CLCN4: variants seen among roughly 807,000 people sequenced by gnomAD.
CLCN4 encodes H(+)/Cl(-) exchange transporter 4.
A neutral mutation model predicts 41.7 loss-of-function variants in CLCN4; 1 was observed. The observed-to-expected ratio is 0.02, with a 90% confidence interval of 0.01 to 0.11. CLCN4 has a LOEUF of 0.11. Among genes scored for constraint, CLCN4 ranks in the 10% least tolerant of loss-of-function variants. The probability of loss-of-function intolerance (pLI) is 1.00; values close to 1 mark genes in which losing one functional copy is unlikely to be tolerated. For missense variants in CLCN4, 287 were observed against 661.0 expected (o/e 0.43, Z 6.20); for synonymous variants, 277 against 285.8 (o/e 0.97, Z 0.31).
At chrX:10,178,780 C>G (rs1464209610) in intron 2 of CLCN4, among the ~76,000 whole-genome samples, 2 of 110,917 alleles carry the variant, frequency 1.8e-5, no homozygotes, top group Non-Finnish European at 3.8e-5. Flanking sequence ...CTGGTTCCTC[C>G]AAGACTTCAT....
chrX:10,217,437 T>C (rs142925120), intron 11 of CLCN4, among the ~76,000 whole-genome samples: 76 of 112,237 alleles, frequency 6.8e-4, no homozygotes, highest in African/African-American at 2.1e-3. Context: ...ACCCACTGGA[T>C]GTCAGCAGCA....
intron 11 of CLCN4, among the ~76,000 whole-genome samples, chrX:10,218,932 G>C (rs1483812288): frequency 8.9e-6 from 1 of 112,290 alleles, no homozygotes; most frequent in Non-Finnish European, 1.9e-5. Context: ...GTGGCAGGCA[G>C]AACCAGATAC....
At chrX:10,167,057 G>A (rs1272025200) in intron 2 of CLCN4, among the ~76,000 whole-genome samples, 1 of 112,726 alleles carries the variant, frequency 8.9e-6, no homozygotes, top group Non-Finnish European at 1.9e-5. Context: ...GGCCGGGGCC[G>A]GGGAGGAAGT....
intron 2 of CLCN4, among the ~76,000 whole-genome samples, chrX:10,169,602 CTG>C (rs1335106151): frequency 3.6e-5 from 4 of 111,593 alleles, no homozygotes; most frequent in Non-Finnish European, 5.6e-5. Flanking sequence ...AAAATATTTT[CTG>C]TTTTTCTTTT....
chrX:10,220,955 T>C, intron 12 of CLCN4, 78 bp downstream of exon 12: 2 of 826,551 alleles, frequency 2.4e-6, no homozygotes, highest in East Asian at 6.3e-5. Context: ...CTGAAGAATG[T>C]GGAGGGCCAT....
chrX:10,214,576 A>G (rs1924657279), intron 11 of CLCN4, among the ~76,000 whole-genome samples: 1 of 112,811 alleles, frequency 8.9e-6, no homozygotes, highest in East Asian at 2.8e-4. Flanking sequence ...TTGCCACCAC[A>G]CAAGTCTTTT....
intron 12 of CLCN4, among the ~76,000 whole-genome samples, chrX:10,230,511 G>C (rs1367954733): frequency 8.9e-6 from 1 of 112,190 alleles, no homozygotes; most frequent in Non-Finnish European, 1.9e-5. Flanking sequence ...AGGATGGAAA[G>C]AAATGGTTTC....
intron 2 of CLCN4, among the ~76,000 whole-genome samples, chrX:10,166,632 T>C (rs753459579): frequency 8.9e-6 from 1 of 112,181 alleles, no homozygotes; most frequent in East Asian, 2.8e-4. Context: ...TTTGCTTATC[T>C]GTAACTTATC....
chrX:10,186,743 C>A (rs1052500239), intron 3 of CLCN4, among the ~76,000 whole-genome samples: 7 of 112,179 alleles, frequency 6.2e-5, no homozygotes, highest in Middle Eastern at 4.6e-3. Flanking sequence ...CAGCAGACTG[C>A]ATCCTGCGGG....
intron 2 of CLCN4, among the ~76,000 whole-genome samples, chrX:10,161,687 C>A (rs1923109967): frequency 9.0e-6 from 1 of 111,197 alleles, no homozygotes; most frequent in Non-Finnish European, 1.9e-5. Context: ...CAGTGATCCC[C>A]ACCCCTGGCA....
chrX:10,202,697 G>A (rs16998804), intron 6 of CLCN4, among the ~76,000 whole-genome samples: 33,906 of 100,812 alleles, frequency 0.34, 5,021 homozygotes, highest in East Asian at 0.67. Context: ...TTTGTTGCAC[G>A]TGGGACTTGA....
chrX:10,186,745 T>C (rs1490734109), intron 3 of CLCN4, among the ~76,000 whole-genome samples: 1 of 112,071 alleles, frequency 8.9e-6, no homozygotes, highest in Non-Finnish European at 1.9e-5. Flanking sequence ...GCAGACTGCA[T>C]CCTGCGGGCC....
intron 2 of CLCN4, among the ~76,000 whole-genome samples, chrX:10,173,428 C>T (rs890590239): frequency 9.0e-6 from 1 of 110,803 alleles, no homozygotes; most frequent in Non-Finnish European, 1.9e-5. Context: ...GGGGCCTGCT[C>T]CTTGGGCTTT....
intron 3 of CLCN4, among the ~76,000 whole-genome samples, chrX:10,186,916 G>T (rs1240360322): frequency 8.9e-6 from 1 of 111,870 alleles, no homozygotes; most frequent in Non-Finnish European, 1.9e-5. Context: ...TTTACTCTCT[G>T]GTCCTTTACA....
chrX:10,194,397 CAG>C lies in CLCN4; in HGVS notation c.245-509_245-508del, dbSNP rs763173226. Among the ~76,000 whole-genome samples, 18 of 111,643 alleles carry C rather than the reference CAG, an allele frequency of 1.6e-4. No homozygotes were observed. The East Asian group carries it at 2.5e-3, about 16-fold the overall frequency. On this transcript the variant is annotated intron_variant, in intron 4 of 12. Coordinates refer to ENST00000380833, the MANE Select transcript of CLCN4 (RefSeq NM_001830.4). ...ATAATTCTTTATAATTTAAATAATG[CAG>C]AGAGTTTTAATAAACAGGATCTTCC...
At chrX:10,213,622 A>G in intron 10 of CLCN4, 59 bp from the exon 11 acceptor site, 2 of 1,055,336 alleles carry the variant, frequency 1.9e-6, no homozygotes, top group Non-Finnish European at 1.3e-6. Context: ...TCCCCAAATC[A>G]TGCTTCCGTG....
Position 10,158,342 on chromosome X carries a change from GGT to G in CLCN4, c.-220_-219del, listed in dbSNP as rs1481929833. 3.4e-6 allele frequency: 1 copy of G among 293,916 alleles called. No individual in the cohort carries two copies. The highest frequency in any genetic ancestry group is 6.1e-5 in the Admixed American group (1 of 16,486). 24.2% of individuals were successfully genotyped at this position (293,916 alleles called of 1,213,427 possible). ...ACGCCTGAGGGGCGGCCAGCGCGAG[GGT>G]TTCTGGCCATCGACCCTCACCTCCC... is the stretch of plus-strand genomic sequence containing the variant. On this transcript the variant is annotated 5_prime_UTR_variant, in exon 2 of 13. Transcript: ENST00000380833.
Position 10,213,871 on chromosome X carries a change from G to A in CLCN4, c.1767G>A (p.Glu589=). The A allele has an allele frequency of 1.7e-6, 2 of 1,211,978 alleles. No homozygotes were observed. The highest frequency in any genetic ancestry group is 2.2e-6 in the Non-Finnish European group (2 of 895,470). ...ACCCTTTCCTTGACGTGAAGGACGA[G>A]TTTACTCACCGCACACTGGCCACCG... is the stretch of plus-strand genomic sequence containing the variant. ...NGYPFLDVKD[E]FTHRTLATDV... Residue 589 remains glutamate, a synonymous_variant, in exon 11 of 13, where the codon GAG becomes GAA. Transcript: ENST00000380833.
Position 10,220,788 on chromosome X carries a change from G to A in CLCN4, c.2103G>A (p.Pro701=), listed in dbSNP as rs1318803802. The change falls in exon 12 of 13, where the codon CCG becomes CCA. Residue 701 remains proline (P), a synonymous_variant. Coordinates refer to ENST00000380833, the MANE Select transcript of CLCN4 (RefSeq NM_001830.4). ...TGCGGCGCATCCTGAACCTCAGCCC[G>A]TTTACAGTGACAGACCACACTCCGA... is the stretch of plus-strand genomic sequence containing the variant. ...LKLRRILNLS[P]FTVTDHTPME... 13 of 1,209,961 alleles carry A rather than the reference G, an allele frequency of 1.1e-5. No homozygotes were observed. Among genetic ancestry groups the A allele is most frequent in the Admixed American group, 4.4e-5 (2 of 45,773 alleles).
Sources: gnomAD v4.1 joint callset for allele counts (sites outside exome capture counted in the v4.1 genomes callset) on GRCh38, gnomAD v4.1.1 for gene constraint, MANE v1.5 for transcripts, NCBI Gene and HGNC (gene_info 2026-07-23, HGNC 2026-07-21) for gene names.